Variants in CATSPERG observed in about 807,000 individuals in gnomAD.
CATSPERG encodes the protein cation channel sperm-associated auxiliary subunit gamma.
A neutral mutation model predicts 145.0 loss-of-function variants in CATSPERG; 115 were observed. That is an observed-to-expected ratio of 0.79 (90% CI 0.68 to 0.93). The LOEUF (loss-of-function observed/expected upper bound fraction) is 0.93, where lower values mean the gene tolerates loss of function less well. Ranked by LOEUF, CATSPERG falls within the 40% of genes least tolerant of loss-of-function variation. The probability of loss-of-function intolerance (pLI) is 0.00; values close to 1 mark genes in which losing one functional copy is unlikely to be tolerated. For missense variants in CATSPERG, 1,296 were observed against 1,490.1 expected, an observed-to-expected ratio of 0.87 and a Z score of 2.14; for synonymous variants, 588 against 589.0, an observed-to-expected ratio of 1.00 and a Z score of 0.02.
intron 7 of CATSPERG, among the ~76,000 whole-genome samples, chr19:38,348,465 T>TG (rs1970078614): frequency 1.8e-5 from 2 of 110,792 alleles, no homozygotes; most frequent in East Asian, 5.8e-4. Flanking sequence ...ACAAACTTCG[T>TG]TTTTTTTTTT....
At chr19:38,362,862 G>A (rs768893947) in intron 20 of CATSPERG, 30 bp downstream of exon 20, 5 of 1,203,710 alleles carry the variant, frequency 4.2e-6, no homozygotes, top group South Asian at 1.3e-5. Flanking sequence ...TGGGATCAAG[G>A]GAGGTTTTGT....
intron 6 of CATSPERG, among the ~76,000 whole-genome samples, chr19:38,344,901 ATT>A (rs1158525255): frequency 0.013 from 1,073 of 79,900 alleles, 33 homozygotes; most frequent in South Asian, 0.025. Context: ...ATATATATAT[ATT>A]TTTTTTTTTT....
At chr19:38,360,884 C>T (rs372179930) in intron 16 of CATSPERG, 41 bp downstream of exon 16, 2 of 1,473,478 alleles carry the variant, frequency 1.4e-6, no homozygotes, top group Non-Finnish European at 1.9e-6. Context: ...TGAGGGCTCC[C>T]GGCACTGCCC....
In CATSPERG at chr19:38,361,807, C is replaced by T; in HGVS notation, c.2040C>T (p.Ala680=). ...RSGFHNENSL[A]IYQGLVYYLL... is the part of the protein sequence containing the mutation. The stretch of plus-strand genomic sequence containing the variant: ...GCTTCCACAACGAGAACTCGCTCGC[C>T]ATCTACCAGGGCCTGGTCTACTACC... Residue 680 remains alanine (A), a synonymous_variant, in exon 17 of 29, where the codon GCC becomes GCT. Coordinates refer to ENST00000409235, the MANE Select transcript of CATSPERG (RefSeq NM_021185.5). 6.2e-7 allele frequency: 1 copy of T among 1,613,096 alleles called. No individual in the cohort carries two copies. The highest frequency in any genetic ancestry group is 8.5e-7 in the Non-Finnish European group (1 of 1,179,600).
Position 38,362,737 on chromosome 19 carries a change from C to CA in CATSPERG, c.2381dup (p.Val795GlyfsTer24), listed in dbSNP as rs764770188. On this transcript the variant is annotated frameshift_variant, in exon 20 of 29. Transcript: ENST00000409235. LOFTEE classifies it high-confidence loss of function. ...AGGCACCGCCTTCCAGCTGCATAGCCAGGTGGACGTGGGCGTGGTGCTGGC... is the reference window on the plus strand; with the variant it reads ...AGGCACCGCCTTCCAGCTGCATAGCCAAGGTGGACGTGGGCGTGGTGCTGGC... The CA allele has an allele frequency of 1.2e-6, 2 of 1,614,160 alleles. No individual in the cohort carries two copies. Among genetic ancestry groups the CA allele is most frequent in the Non-Finnish European group, 1.7e-6 (2 of 1,180,012 alleles).
Position 38,342,154 on chromosome 19 carries a change from T to C in CATSPERG, c.325-1426T>C, listed in dbSNP as rs111575899. Among the ~76,000 whole-genome samples, 443 of 149,888 alleles carry C rather than the reference T, an allele frequency of 3.0e-3. 10 individuals are homozygous for C. The East Asian group carries it at 0.048, about 16-fold the overall frequency. On this transcript the variant is annotated intron_variant, in intron 3 of 28. Coordinates refer to ENST00000409235, the MANE Select transcript of CATSPERG (RefSeq NM_021185.5). ...ATTTTAGGAGGCTAAGGCTGGAGGATTGCTTGAGGCCAAGAGTTCAAGACC... is the reference window on the plus strand; with the variant it reads ...ATTTTAGGAGGCTAAGGCTGGAGGACTGCTTGAGGCCAAGAGTTCAAGACC...
chr19:38,348,464 G>GTTT (rs909677050), intron 7 of CATSPERG, among the ~76,000 whole-genome samples: 1 of 124,034 alleles, frequency 8.1e-6, no homozygotes, highest in Non-Finnish European at 1.7e-5. Context: ...CACAAACTTC[G>GTTT]TTTTTTTTTT....
In CATSPERG at chr19:38,337,250, A is replaced by G. The variant is rs761209613; in HGVS notation, c.16A>G (p.Met6Val). 5.5e-4 allele frequency: 856 copies of G among 1,551,332 alleles called. No homozygotes were observed. Among genetic ancestry groups the G allele is most frequent in the Non-Finnish European group, 6.9e-4 (791 of 1,147,002 alleles). ...TAGCCACGTTATGTGCGGCCCAGCC[A>G]TGTTCCCTGCCGGTCCTCCGTGGCC... Reference protein sequence around the residue: MCGPAMFPAGPPWPRV... With the variant: MCGPAVFPAGPPWPRV... The change falls in exon 2 of 29, where the codon ATG becomes GTG. Residue 6 changes from methionine (M) to valine (V), a missense_variant. Transcript: ENST00000409235.
rs34101460 is a variant in CATSPERG at position 38,344,856 on chromosome 19, G to GACACACACAC, written c.669+506_669+515dup. On this transcript the variant is annotated intron_variant, in intron 6 of 28. Coordinates refer to ENST00000409235, the MANE Select transcript of CATSPERG (RefSeq NM_021185.5). ...ATATGTATATACCTGTACATGAACA[G>GACACACACAC]ACACACACACACACACACACACACA... Among the ~76,000 whole-genome samples the GACACACACAC allele has an allele frequency of 8.9e-4, 82 of 92,328 alleles. 3 individuals are homozygous for GACACACACAC. Among genetic ancestry groups the GACACACACAC allele is most frequent in the South Asian group, 1.9e-3 (5 of 2,578 alleles). 60.6% of individuals were successfully genotyped at this position (92,328 alleles called of 152,430 possible).
chr19:38,354,227 G>A (rs1212289122), intron 8 of CATSPERG, among the ~76,000 whole-genome samples: 1 of 152,156 alleles, frequency 6.6e-6, no homozygotes, highest in Non-Finnish European at 1.5e-5. Flanking sequence ...GAAAAGTGGT[G>A]TTTATTGGCT....
intron 6 of CATSPERG, 28 bp downstream of exon 6, chr19:38,344,396 C>T: frequency 6.5e-7 from 1 of 1,541,328 alleles, no homozygotes; most frequent in South Asian, 1.2e-5. Context: ...GGGAAAAAGA[C>T]AATGGTCTGG....
rs895093457 is a variant in CATSPERG, at chr19:38,362,386, T to A, written c.2168T>A (p.Phe723Tyr). 1.1e-5 allele frequency: 17 copies of A among 1,613,916 alleles called. No homozygotes were observed. Among genetic ancestry groups the A allele is most frequent in the African/African-American group, 4.0e-5 (3 of 74,890 alleles). Reference sequence around the variant, plus strand: ...CATCCGGTACCCCAGGATTACTACTTCTTCTTGGCGAGCAATTGGCGAAGC... The same window carrying A: ...CATCCGGTACCCCAGGATTACTACTACTTCTTGGCGAGCAATTGGCGAAGC... Reference protein sequence around the residue: ...ANNKQDQDYYFFLASNWRSAG... With the variant: ...ANNKQDQDYYYFLASNWRSAG... The change falls in exon 19 of 29, where the codon TTC (phenylalanine) becomes TAC (tyrosine). Residue 723 changes from phenylalanine (F) to tyrosine (Y), a missense_variant. Phe to Tyr is a conservative substitution (Grantham distance 22). Coordinates refer to ENST00000409235, the MANE Select transcript of CATSPERG (RefSeq NM_021185.5).
intron 20 of CATSPERG, 60 bp downstream of exon 20, chr19:38,362,892 T>TG: frequency 8.4e-7 from 1 of 1,186,170 alleles, no homozygotes; most frequent in Non-Finnish European, 1.2e-6. Flanking sequence ...TTTTTTTTTT[T>TG]TTTGGAGACA....
In CATSPERG at chr19:38,359,653, G is replaced by A. The variant is rs948545007; in HGVS notation, c.1608+72G>A. ...AACCCCAGGGGCCCCTCTTTCCCCC[G>A]TCACAGTAAAGGAGCCAAGGGAAGG... On this transcript the variant is annotated intron_variant, in intron 14 of 28. Coordinates refer to ENST00000409235, the MANE Select transcript of CATSPERG (RefSeq NM_021185.5). 7.1e-5 allele frequency: 105 copies of A among 1,483,400 alleles called. 1 individual carries two copies. In the Middle Eastern group the frequency reaches 7.4e-4, roughly 11 times the overall value. 91.9% of individuals were successfully genotyped at this position (1,483,400 alleles called of 1,614,324 possible). A position where few individuals can be genotyped will look rare whatever the true frequency, so the allele number is the denominator to read the frequency against.
rs773525571 is a variant in CATSPERG at position 38,358,438 on chromosome 19, G to A, written c.1373G>A (p.Gly458Glu). Reference sequence around the variant, plus strand: ...CTTCCTCTGCTCCGGTCAGCTCGAGGATTGGAGTTCCTGATGATCCTAGGG... The same window carrying A: ...CTTCCTCTGCTCCGGTCAGCTCGAGAATTGGAGTTCCTGATGATCCTAGGG... ...HIPEFIPEAR[G>E]LEFLMILGTE... The change falls in exon 13 of 29, where the codon GGA becomes GAA. Residue 458 changes from glycine (G) to glutamate (E), a missense_variant. By Grantham distance (98) the Gly-to-Glu change is moderately conservative (BLOSUM62 -2). Coordinates refer to ENST00000409235, the MANE Select transcript of CATSPERG (RefSeq NM_021185.5). 44 of 1,614,078 alleles carry A rather than the reference G, an allele frequency of 2.7e-5. No individual in the cohort carries two copies. The highest frequency in any genetic ancestry group is 3.6e-5 in the Non-Finnish European group (43 of 1,180,026).
rs763729233 is a variant in CATSPERG, at chr19:38,370,139, T to TC, written c.3114-16dup. ...GCCTGGCTTCTCCTCTAATCCTGGATCCCCTCCCAACCCCTGCAGAGGAGT... is the reference window on the plus strand; with the variant it reads ...GCCTGGCTTCTCCTCTAATCCTGGATCCCCCTCCCAACCCCTGCAGAGGAGT... On this transcript the variant is annotated intron_variant, in intron 27 of 28. Transcript: ENST00000409235. 4.7e-5 allele frequency: 76 copies of TC among 1,613,644 alleles called. No homozygotes were observed. The highest frequency in any genetic ancestry group is 1.7e-4 in the Admixed American group (10 of 60,004).
chr19:38,367,320 TCCAGTCCCTTCCCCTG>T lies in CATSPERG; in HGVS notation c.2770+10_2770+25del. 1.2e-6 allele frequency: 2 copies of T among 1,608,354 alleles called. No homozygotes were observed. Among genetic ancestry groups the T allele is most frequent in the Non-Finnish European group, 1.7e-6 (2 of 1,178,582 alleles). On this transcript the variant is annotated intron_variant, in intron 23 of 28. Transcript: ENST00000409235. Reference sequence around the variant, plus strand: ...GCTTTCTCTTCCGGGACAGTGTGTGTCCAGTCCCTTCCCCTGCACAGTTCACTGCCCTCTTGCCCCC... The same window carrying T: ...GCTTTCTCTTCCGGGACAGTGTGTGTCACAGTTCACTGCCCTCTTGCCCCC...
intron 20 of CATSPERG, among the ~76,000 whole-genome samples, chr19:38,363,385 C>A (rs1281135205): frequency 6.6e-6 from 1 of 151,834 alleles, no homozygotes; most frequent in Non-Finnish European, 1.5e-5. Context: ...CTATGTTGCC[C>A]AGGCTGGCCT....
chr19:38,341,258 C>T (rs752653820), intron 3 of CATSPERG, among the ~76,000 whole-genome samples: 3 of 152,204 alleles, frequency 2.0e-5, no homozygotes, highest in Non-Finnish European at 4.4e-5. Flanking sequence ...CCAGGCTTCA[C>T]TGGCTCCCTC....
Sources: allele counts gnomAD v4.1 joint callset (sites outside exome capture counted in the v4.1 genomes callset), GRCh38; gene constraint gnomAD v4.1.1; transcripts MANE v1.5; gene names NCBI Gene and HGNC (gene_info 2026-07-23, HGNC 2026-07-21).